Variants in SPIRE1 observed in about 807,000 individuals in gnomAD.
The protein encoded by SPIRE1 is spire type actin nucleation factor 1, also known as protein spire homolog 1.
SPIRE1 carries 40 observed loss-of-function variants against 94.1 expected under a neutral mutation model. That is an observed-to-expected ratio of 0.43 (90% CI 0.33 to 0.55). The LOEUF is 0.55. SPIRE1 is among the 20% of genes least tolerant of loss of function. The probability of loss-of-function intolerance (pLI) is 0.06; values close to 1 mark genes in which losing one functional copy is unlikely to be tolerated. For missense variants in SPIRE1, 838 were observed against 975.2 expected (o/e 0.86, Z 1.87); for synonymous variants, 376 against 371.7 (o/e 1.01, Z -0.13).
intron 4 of SPIRE1, among the ~76,000 whole-genome samples, chr18:12,533,105 T>C (rs1318812009): frequency 6.6e-6 from 1 of 152,066 alleles, no homozygotes; most frequent in East Asian, 1.9e-4. Context: ...CAGAGAAGAC[T>C]GGGAAAGGGT....
Position 12,533,583 on chromosome 18 carries a change from G to A in SPIRE1, c.729+1893C>T, listed in dbSNP as rs543039939. Among the ~76,000 whole-genome samples, 4 of 152,176 alleles carry A rather than the reference G, an allele frequency of 2.6e-5. No individual in the cohort carries two copies. In the East Asian group the frequency reaches 7.7e-4, roughly 29 times the overall value. ...GTAGAGTAGTAAAAATACTAATATT[G>A]TTCTATTTAAGCTCAGAAATAGTTT... On this transcript the variant is annotated intron_variant, in intron 4 of 16. Transcript: ENST00000409402.
chr18:12,553,317 G>A (rs936327056), intron 2 of SPIRE1, among the ~76,000 whole-genome samples: 5 of 152,114 alleles, frequency 3.3e-5, no homozygotes, highest in South Asian at 2.1e-4. Context: ...CAGCATTTCC[G>A]GATCTGCACT....
intron 1 of SPIRE1, chr18:12,652,913 G>A (rs1281995390): frequency 6.6e-6 from 1 of 152,184 alleles, no homozygotes; most frequent in Non-Finnish European, 1.5e-5. Context: ...GGACTAAATG[G>A]AGTGATACTG....
chr18:12,557,189 G>A (rs1242531270), intron 2 of SPIRE1, among the ~76,000 whole-genome samples: 1 of 152,210 alleles, frequency 6.6e-6, no homozygotes, highest in Non-Finnish European at 1.5e-5. Flanking sequence ...GGTCGCCGCG[G>A]AGCAGGGGGT....
chr18:12,540,440 A>T (rs2034981821), intron 3 of SPIRE1, among the ~76,000 whole-genome samples: 1 of 151,956 alleles, frequency 6.6e-6, no homozygotes, highest in Non-Finnish European at 1.5e-5. Flanking sequence ...AAGTGTTGCG[A>T]TCTTGGCTCA....
intron 10 of SPIRE1, among the ~76,000 whole-genome samples, chr18:12,470,910 C>T (rs1456012062): frequency 6.6e-6 from 1 of 151,950 alleles, no homozygotes; most frequent in Non-Finnish European, 1.5e-5. Flanking sequence ...TGCTGCTTTG[C>T]TCCAGGGCTC....
chr18:12,554,654 CCT>C (rs1278080756), intron 2 of SPIRE1, among the ~76,000 whole-genome samples: 2 of 152,224 alleles, frequency 1.3e-5, no homozygotes, highest in East Asian at 1.9e-4. Flanking sequence ...TGAGTAATCC[CCT>C]GACATCAAAA....
At chr18:12,460,537 A>G (rs1598890248) in intron 12 of SPIRE1, among the ~76,000 whole-genome samples, 1 of 152,036 alleles carries the variant, frequency 6.6e-6, no homozygotes, top group Non-Finnish European at 1.5e-5. Flanking sequence ...ACATGGAGAA[A>G]CCCCGTCTCT....
intron 2 of SPIRE1, among the ~76,000 whole-genome samples, chr18:12,626,163 T>C (rs1190181473): frequency 1.3e-5 from 2 of 152,126 alleles, no homozygotes; most frequent in African/African-American, 4.8e-5. Context: ...TAAAATGTTA[T>C]ACTCCGTATA....
chr18:12,487,481 T>C (rs539763561), intron 8 of SPIRE1, among the ~76,000 whole-genome samples: 1 of 150,574 alleles, frequency 6.6e-6, no homozygotes, highest in East Asian at 2.0e-4. Flanking sequence ...CAATCTCGGC[T>C]CACTACAACC....
At chr18:12,471,222 G>C (rs148851770) in intron 10 of SPIRE1, among the ~76,000 whole-genome samples, 16 of 152,132 alleles carry the variant, frequency 1.1e-4, no homozygotes, top group African/African-American at 3.6e-4. Context: ...AGAAGGTCTG[G>C]GTGTGGGGGT....
At chr18:12,644,031 CAA>C (rs72419037) in intron 1 of SPIRE1, among the ~76,000 whole-genome samples, 5 of 132,198 alleles carry the variant, frequency 3.8e-5, no homozygotes, top group East Asian at 2.2e-4. Flanking sequence ...CTGTCTCAAC[CAA>C]AAAAAAAAAA....
intron 4 of SPIRE1, among the ~76,000 whole-genome samples, chr18:12,533,985 A>C (rs769406655): frequency 2.0e-5 from 3 of 150,730 alleles, no homozygotes; most frequent in Non-Finnish European, 4.4e-5. Flanking sequence ...TTTATTCTTC[A>C]CAGAGGGTTC....
At chr18:12,651,452 G>A (rs2038377560) in intron 1 of SPIRE1, among the ~76,000 whole-genome samples, 1 of 152,050 alleles carries the variant, frequency 6.6e-6, no homozygotes, top group Non-Finnish European at 1.5e-5. Context: ...TGAGGTGGGT[G>A]GATCACAAGG....
At chr18:12,612,930 C>A in intron 2 of SPIRE1, among the ~76,000 whole-genome samples, 1 of 152,172 alleles carries the variant, frequency 6.6e-6, no homozygotes. Flanking sequence ...AAATTGCAAA[C>A]CCACCATCAC....
At chr18:12,564,986 AAAAAG>A (rs961227709) in intron 2 of SPIRE1, among the ~76,000 whole-genome samples, 3 of 152,208 alleles carry the variant, frequency 2.0e-5, no homozygotes, top group Non-Finnish European at 2.9e-5. Flanking sequence ...AGAAAGAAAG[AAAAAG>A]AAAAGAAAAG....
At chr18:12,524,482 GA>G (rs148211954) in intron 4 of SPIRE1, among the ~76,000 whole-genome samples, 240 of 152,270 alleles carry the variant, frequency 1.6e-3, no homozygotes, top group Non-Finnish European at 2.6e-3. Flanking sequence ...CTGATGGGGG[GA>G]AAAATGTTTT....
intron 2 of SPIRE1, among the ~76,000 whole-genome samples, chr18:12,622,126 TC>T (rs2037488287): frequency 6.6e-6 from 1 of 152,158 alleles, no homozygotes; most frequent in Admixed American, 6.5e-5. Context: ...GGCCAGCTAC[TC>T]CTTCAGTCAC....
At chr18:12,484,354 T>C (rs943038326) in intron 9 of SPIRE1, among the ~76,000 whole-genome samples, 1 of 152,176 alleles carries the variant, frequency 6.6e-6, no homozygotes, top group African/African-American at 2.4e-5. Flanking sequence ...CAAGGTCACT[T>C]TGCAAATGGC....
Sources: allele counts gnomAD v4.1 joint callset (sites outside exome capture counted in the v4.1 genomes callset), GRCh38; gene constraint gnomAD v4.1.1; transcripts MANE v1.5; gene names NCBI Gene and HGNC (gene_info 2026-07-23, HGNC 2026-07-21).